PFAS: variants seen among roughly 807,000 people sequenced by gnomAD.
PFAS encodes the protein FGAM synthase.
A neutral mutation model predicts 140.6 loss-of-function variants in PFAS; 97 were observed. That is an observed-to-expected ratio of 0.69 (90% CI 0.59 to 0.82). The LOEUF (loss-of-function observed/expected upper bound fraction) is 0.82, where lower values mean the gene tolerates loss of function less well. PFAS is among the 40% of genes least tolerant of loss of function. PFAS has a pLI of 0.00. For missense variants in PFAS, 1,656 were observed against 1,780.2 expected, an observed-to-expected ratio of 0.93 and a Z score of 1.26; for synonymous variants, 679 against 718.8, an observed-to-expected ratio of 0.94 and a Z score of 0.88.
intron 10 of PFAS, 42 bp from the exon 11 acceptor site, chr17:8,258,028 TG>T (rs765186851): frequency 1.9e-6 from 3 of 1,613,490 alleles, no homozygotes; most frequent in South Asian, 1.1e-5. Flanking sequence ...GGGCGAGCAC[TG>T]GGGGAACTGA....
Position 8,267,167 on chromosome 17 carries a change from G to T in PFAS, c.3107G>T (p.Arg1036Met). Residue 1036 changes from arginine (R) to methionine (M), a missense_variant, in exon 24 of 28, where the codon AGG (arginine) becomes ATG (methionine). Physicochemically the swap from Arg to Met is moderately conservative, Grantham distance 91. Around this residue, in one of 2 missense-constraint regions of PFAS, gnomAD observed 883 missense variants for 1,023.0 expected, o/e 0.86. Transcript: ENST00000314666. The surrounding 1 kb of genome is among the most constrained non-coding windows in gnomAD (Gnocchi z 4.9). ...RCVAEEERGL[R>M]ERMGPSYCLP... ...GTGGCAGAGGAGGAACGGGGCCTGAGGGAGCGGATGGGGCCCAGCTATTGC... is the reference window on the plus strand; with the variant it reads ...GTGGCAGAGGAGGAACGGGGCCTGATGGAGCGGATGGGGCCCAGCTATTGC... 6.2e-7 allele frequency: 1 copy of T among 1,608,788 alleles called. No individual in the cohort carries two copies. The highest frequency in any genetic ancestry group is 8.5e-7 in the Non-Finnish European group (1 of 1,178,118).
rs374777673 is a variant in PFAS at position 8,267,146 on chromosome 17, C to G, written c.3086C>G (p.Ala1029Gly). The G allele has an allele frequency of 2.7e-5, 43 of 1,611,740 alleles. No homozygotes were observed. The highest frequency in any genetic ancestry group is 3.6e-5 in the Non-Finnish European group (43 of 1,179,222). Residue 1029 changes from alanine to glycine, a missense_variant, in exon 24 of 28, where the codon GCA (alanine) becomes GGA (glycine). Physicochemically the swap from Ala to Gly is moderately conservative, Grantham distance 60. Around this residue, in one of 2 missense-constraint regions of PFAS, gnomAD observed 883 missense variants for 1,023.0 expected, o/e 0.86. Coordinates refer to ENST00000314666, the MANE Select transcript of PFAS (RefSeq NM_012393.3). The surrounding 1 kb of genome is among the most constrained non-coding windows in gnomAD (Gnocchi z 4.9). ...CTACAGGCAGAGCCTCGCTGTGTGG[C>G]AGAGGAGGAACGGGGCCTGAGGGAG... ...DRLQAEPRCV[A>G]EEERGLRERM...
At chr17:8,260,392 A>G (rs1235561412) in intron 11 of PFAS, among the ~76,000 whole-genome samples, 1 of 152,210 alleles carries the variant, frequency 6.6e-6, no homozygotes, top group Admixed American at 6.5e-5. Context: ...AAATGGAATC[A>G]TACAATATGC....
intron 15 of PFAS, 51 bp downstream of exon 15, chr17:8,263,987 C>T (rs765207182): frequency 2.3e-5 from 37 of 1,590,468 alleles, no homozygotes; most frequent in Non-Finnish European, 3.0e-5. Context: ...ACATGAGCCA[C>T]CTGGGTATGG....
intron 11 of PFAS, 21 bp from the exon 12 acceptor site, chr17:8,262,899 T>C: frequency 6.2e-7 from 1 of 1,607,316 alleles, no homozygotes; most frequent in East Asian, 2.2e-5. Flanking sequence ...AGTGTTCTGA[T>C]TCTGCCTTCC....
At chr17:8,265,668 C>A in intron 20 of PFAS, 29 bp downstream of exon 20, 1 of 1,590,012 alleles carries the variant, frequency 6.3e-7, no homozygotes, top group Non-Finnish European at 8.6e-7. Context: ...CCTTTGTGAT[C>A]TTTGCTTGTG....
intron 15 of PFAS, 105 bp from the exon 16 acceptor site, chr17:8,264,107 A>G: frequency 1.3e-6 from 2 of 1,536,216 alleles, no homozygotes; most frequent in South Asian, 2.2e-5. Flanking sequence ...CAATATGGAA[A>G]CCAAACAAGG....
At chr17:8,249,384 C>G (rs1989039456) in intron 1 of PFAS, 45 bp downstream of exon 1, 1 of 152,256 alleles carries the variant, frequency 6.6e-6, no homozygotes, top group African/African-American at 2.4e-5. Flanking sequence ...CCTCCAGGTG[C>G]AGCGTTTCGT....
chr17:8,255,731 C>T (rs762811986), intron 5 of PFAS, 40 bp downstream of exon 5: 1 of 1,602,274 alleles, frequency 6.2e-7, no homozygotes, highest in Non-Finnish European at 8.5e-7. Context: ...CCAGGATAGG[C>T]CAGTAGGGGT....
Position 8,267,049 on chromosome 17 carries a change from G to A in PFAS, c.2989G>A (p.Ala997Thr), listed in dbSNP as rs1251102306. The part of the protein sequence containing the change: ...HAMVRVSVNG[A>T]VVLEEPVGEL... ...CTAGGTCCGGGTGTCAGTGAACGGG[G>A]CTGTGGTTCTGGAGGAGCCTGTTGG... Residue 997 changes from alanine to threonine, a missense_variant, in exon 24 of 28, where the codon GCT (alanine) becomes ACT (threonine). This residue lies in a region of PFAS where 883 missense variants were observed against 1,023.0 expected (regional missense o/e 0.86). Transcript: ENST00000314666. The surrounding 1 kb of genome is among the most constrained non-coding windows in gnomAD (Gnocchi z 4.9). 6.2e-7 allele frequency: 1 copy of A among 1,614,020 alleles called. No homozygotes were observed. Among genetic ancestry groups the A allele is most frequent in the Non-Finnish European group, 8.5e-7 (1 of 1,180,040 alleles).
At position 8,268,662 on chromosome 17, in the gene PFAS, G is replaced by A. The variant is rs1397757165; in HGVS notation, c.3512G>A (p.Gly1171Glu). 34 of 1,613,648 alleles carry A rather than the reference G, an allele frequency of 2.1e-5. No homozygotes were observed. The highest frequency in any genetic ancestry group is 2.8e-5 in the Non-Finnish European group (33 of 1,180,026). The change falls in exon 27 of 28, where the codon GGA becomes GAA. Residue 1171 changes from glycine to glutamate, a missense_variant. This residue lies in a region of PFAS where 883 missense variants were observed against 1,023.0 expected (regional missense o/e 0.86). Coordinates refer to ENST00000314666, the MANE Select transcript of PFAS (RefSeq NM_012393.3). The stretch of plus-strand genomic sequence containing the variant: ...CTGCTGGCTCTGCTCGGCTGGGTGG[G>A]AGGCGACCCCAATGAGGATGCTGCA... The part of the protein sequence containing the change: ...CQLLALLGWV[G>E]GDPNEDAAEM...
chr17:8,253,688 C>T lies in PFAS; in HGVS notation c.-79-171C>T, dbSNP rs1295047759. Among the ~76,000 whole-genome samples the T allele has an allele frequency of 2.0e-5, 3 of 152,040 alleles. No homozygotes were observed. The East Asian group carries it at 5.8e-4, about 29-fold the overall frequency. Reference sequence around the variant, plus strand: ...CCTAGTAACTGTGATTACAGGCGCCCGCCACCACACCCAGCTAATTTTATA... The same window carrying T: ...CCTAGTAACTGTGATTACAGGCGCCTGCCACCACACCCAGCTAATTTTATA... On this transcript the variant is annotated intron_variant, in intron 1 of 27. Coordinates refer to ENST00000314666, the MANE Select transcript of PFAS (RefSeq NM_012393.3).
rs1251135415 is a variant in PFAS at position 8,258,131 on chromosome 17, C to T, written c.1268C>T (p.Pro423Leu). The T allele has an allele frequency of 1.2e-6, 2 of 1,613,986 alleles. No homozygotes were observed. Among genetic ancestry groups the T allele is most frequent in the African/African-American group, 1.3e-5 (1 of 74,906 alleles). ...GGCCAGCGGCGTGAGTGGATCAAGC[C>T]CATCATGTTTAGTGGGGGCATTGGG... ...PDGQRREWIKPIMFSGGIGSM... is the reference protein window; with the variant it reads ...PDGQRREWIKLIMFSGGIGSM... Residue 423 changes from proline to leucine, a missense_variant, in exon 11 of 28, where the codon CCC (proline) becomes CTC (leucine). Coordinates refer to ENST00000314666, the MANE Select transcript of PFAS (RefSeq NM_012393.3).
Position 8,267,097 on chromosome 17 carries a change from G to A in PFAS, c.3037G>A (p.Glu1013Lys). 2 of 1,613,950 alleles carry A rather than the reference G, an allele frequency of 1.2e-6. No homozygotes were observed. The highest frequency in any genetic ancestry group is 1.7e-6 in the Non-Finnish European group (2 of 1,179,976). ...PVGELRALWE[E>K]TSFQLDRLQA... is the part of the protein sequence containing the mutation. ...TGGGGAGCTGCGAGCCCTCTGGGAGGAGACGAGTTTCCAGCTGGACCGGCT... is the reference window on the plus strand; with the variant it reads ...TGGGGAGCTGCGAGCCCTCTGGGAGAAGACGAGTTTCCAGCTGGACCGGCT... Residue 1013 changes from glutamate (E) to lysine (K), a missense_variant, in exon 24 of 28, where the codon GAG (glutamate) becomes AAG (lysine). Glu to Lys is a moderately conservative substitution (Grantham distance 56). This residue lies in a region of PFAS where 883 missense variants were observed against 1,023.0 expected (regional missense o/e 0.86). Transcript: ENST00000314666. The surrounding 1 kb of genome is among the most constrained non-coding windows in gnomAD (Gnocchi z 4.9).
intron 11 of PFAS, among the ~76,000 whole-genome samples, chr17:8,261,177 C>T (rs1355737825): frequency 2.0e-5 from 3 of 151,854 alleles, no homozygotes; most frequent in African/African-American, 7.3e-5. Context: ...AGCAGTATTT[C>T]ATTGTGGATT....
At chr17:8,264,712 C>T in intron 17 of PFAS, 111 bp downstream of exon 17, 1 of 1,252,138 alleles carries the variant, frequency 8.0e-7, no homozygotes, top group Non-Finnish European at 1.1e-6. Flanking sequence ...CTGCAGGAAG[C>T]AGCAGGGGCA....
intron 1 of PFAS, among the ~76,000 whole-genome samples, chr17:8,253,337 C>G (rs1989231673): frequency 6.6e-6 from 1 of 152,166 alleles, no homozygotes; most frequent in Admixed American, 6.6e-5. Context: ...GAACACGTGT[C>G]AGGTGTGTGC....
Position 8,255,602 on chromosome 17 carries a change from C to T in PFAS, c.485C>T (p.Ser162Phe), listed in dbSNP as rs1429220525. ...TTCCCCCATCCCATCCAGAGTTTCT[C>T]CCCTGAGAGCATGCCGGAACCCCTC... ...QHFPHPIQSF[S>F]PESMPEPLNG... is the part of the protein sequence containing the mutation. The change falls in exon 5 of 28, where the codon TCC becomes TTC. Residue 162 changes from serine to phenylalanine, a missense_variant. This residue lies in a region of PFAS where 773 missense variants were observed against 757.3 expected (regional missense o/e 1.02). Transcript: ENST00000314666. 1.9e-6 allele frequency: 3 copies of T among 1,581,022 alleles called. No homozygotes were observed. Among genetic ancestry groups the T allele is most frequent in the Non-Finnish European group, 2.6e-6 (3 of 1,166,184 alleles).
At chr17:8,257,286 G>A (rs1381388275) in intron 9 of PFAS, among the ~76,000 whole-genome samples, 1 of 152,214 alleles carries the variant, frequency 6.6e-6, no homozygotes, top group East Asian at 1.9e-4. Flanking sequence ...GCTGGGCGTG[G>A]TGGCTCACGC....
Sources: gnomAD v4.1 joint callset for allele counts (sites outside exome capture counted in the v4.1 genomes callset) on GRCh38, gnomAD v4.1.1 for gene constraint, gnomAD v4.1.1 regional missense constraint, Gnocchi (gnomAD v3.1) non-coding constraint, MANE v1.5 for transcripts, NCBI Gene and HGNC (gene_info 2026-07-23, HGNC 2026-07-21) for gene names.